STON2: variants seen among roughly 807,000 people sequenced by gnomAD.
STON2 encodes stonin 2.
In STON2, 29 loss-of-function variants were observed where a neutral mutation model predicts 65.7. The observed-to-expected ratio is 0.44, with a 90% CI of 0.33 to 0.60. The LOEUF is 0.60. Among genes scored for constraint, STON2 ranks in the 20% least tolerant of loss-of-function variants. STON2 has a pLI of 0.03. For missense variants in STON2, 1,054 were observed against 1,118.1 expected, an observed-to-expected ratio of 0.94 and a Z score of 0.82; for synonymous variants, 404 against 414.2, an observed-to-expected ratio of 0.98 and a Z score of 0.30.
At chr14:81,431,007 G>A (rs1039141568) in intron 1 of STON2, among the ~76,000 whole-genome samples, 23 of 152,166 alleles carry the variant, frequency 1.5e-4, no homozygotes, top group African/African-American at 5.1e-4. Context: ...ACCTGAGCTG[G>A]AGGGAACTGT....
intron 4 of STON2, among the ~76,000 whole-genome samples, chr14:81,326,448 G>A (rs76804914): frequency 0.02 from 3,036 of 151,338 alleles, 96 homozygotes; most frequent in African/African-American, 0.069. Context: ...AAGATTGTGT[G>A]GATCTTCTCT....
At chr14:81,382,858 G>A (rs1899595828) in intron 3 of STON2, among the ~76,000 whole-genome samples, 2 of 152,220 alleles carry the variant, frequency 1.3e-5, no homozygotes, top group Admixed American at 6.5e-5. Flanking sequence ...ACTAGGAAGA[G>A]TGCATTTGGG....
At chr14:81,387,444 C>T (rs1023770707) in intron 3 of STON2, among the ~76,000 whole-genome samples, 3 of 152,112 alleles carry the variant, frequency 2.0e-5, no homozygotes, top group African/African-American at 7.2e-5. Context: ...GTATGAATCC[C>T]TCATTTGGCC....
At chr14:81,284,035 T>C (rs1895237571) in intron 5 of STON2, among the ~76,000 whole-genome samples, 1 of 152,228 alleles carries the variant, frequency 6.6e-6, no homozygotes, top group Non-Finnish European at 1.5e-5. Flanking sequence ...CCATAAACTG[T>C]GCCCATATAA....
chr14:81,284,543 G>T (rs957863590), intron 5 of STON2, among the ~76,000 whole-genome samples: 2 of 152,194 alleles, frequency 1.3e-5, no homozygotes, highest in Non-Finnish European at 2.9e-5. Context: ...TGGTTCATGA[G>T]GTTTAAGGAA....
intron 4 of STON2, among the ~76,000 whole-genome samples, chr14:81,337,277 C>T (rs1035368241): frequency 2.0e-5 from 3 of 152,260 alleles, no homozygotes; most frequent in Admixed American, 2.0e-4. Flanking sequence ...TGCTTTTACC[C>T]TCCAGGCACA....
At chr14:81,273,913 G>T (rs1459267564) in intron 6 of STON2, among the ~76,000 whole-genome samples, 1 of 152,190 alleles carries the variant, frequency 6.6e-6, no homozygotes, top group Non-Finnish European at 1.5e-5. Context: ...CTTAAAGAAG[G>T]TTAAGGATTA....
In STON2 at chr14:81,370,990, G is replaced by A; in HGVS notation, c.569C>T (p.Thr190Ile). Residue 190 changes from threonine (T) to isoleucine (I), a missense_variant and splice_region_variant, in exon 4 of 8, where the codon ACT becomes ATT. Thr to Ile is a moderately conservative substitution (Grantham distance 89). Transcript: ENST00000614646. ...TCTGGCTTAGAGCTCCATCTTACCAGTTGAGTCAGCCCCAGAAGCCTGGCC... is the reference window on the plus strand; with the variant it reads ...TCTGGCTTAGAGCTCCATCTTACCAATTGAGTCAGCCCCAGAAGCCTGGCC... The part of the protein sequence containing the change: ...TSGQASGADS[T>I]DKRTEWQTGR... The A allele has an allele frequency of 1.2e-6, 2 of 1,612,318 alleles. No homozygotes were observed. Among genetic ancestry groups the A allele is most frequent in the East Asian group, 2.2e-5 (1 of 44,864 alleles).
At chr14:81,268,722 A>G (rs1566878482) in intron 7 of STON2, 2 of 845,986 alleles carry the variant, frequency 2.4e-6, no homozygotes, top group Non-Finnish European at 2.8e-6. Flanking sequence ...GTCCACCAGG[A>G]AAATTCTTAT....
At chr14:81,413,021 C>T in intron 2 of STON2, 1 of 1,055,096 alleles carries the variant, frequency 9.5e-7, no homozygotes, top group South Asian at 1.4e-5. Context: ...GGAAGAGACG[C>T]AGCAGAACTC....
At chr14:81,321,948 G>A (rs1481032677) in intron 5 of STON2, among the ~76,000 whole-genome samples, 2 of 152,170 alleles carry the variant, frequency 1.3e-5, no homozygotes, top group Admixed American at 1.3e-4. Context: ...GGAGGTTAGG[G>A]GGTGGGTGTT....
chr14:81,436,197 A>C (rs1191077979), intron 1 of STON2: 2 of 151,624 alleles, frequency 1.3e-5, no homozygotes, highest in African/African-American at 4.8e-5. Context: ...CAGGGGGCAC[A>C]GCGGCGCTAG....
chr14:81,413,024 C>A, intron 2 of STON2: 1 of 1,049,228 alleles, frequency 9.5e-7, no homozygotes, highest in Non-Finnish European at 1.4e-6. Flanking sequence ...AGAGACGCAG[C>A]AGAACTCGGT....
At position 81,261,255 on chromosome 14, in the gene STON2, G is replaced by C. The variant is rs145902504; in HGVS notation, c.*7159C>G. The C allele has an allele frequency of 6.6e-6, 1 of 152,216 alleles. No homozygotes were observed. Among genetic ancestry groups the C allele is most frequent in the South Asian group, 2.1e-4 (1 of 4,826 alleles). The allele number at this position is 152,216 out of a possible 1,614,324, so 9.4% of individuals were successfully genotyped here. ...TTGCTGATCCAAAGCACATGGAGGC[G>C]CAACAGTGCTTAAGGCTTCAGTCAT... On this transcript the variant is annotated 3_prime_UTR_variant, in exon 8 of 8. Transcript: ENST00000614646.
At chr14:81,432,262 C>A (rs1245349887) in intron 1 of STON2, among the ~76,000 whole-genome samples, 1 of 152,172 alleles carries the variant, frequency 6.6e-6, no homozygotes, top group Non-Finnish European at 1.5e-5. Context: ...TCCTTTACGT[C>A]CATTTCTGGC....
upstream of STON2, among the ~76,000 whole-genome samples, chr14:81,402,746 A>G (rs1232168510): frequency 6.6e-6 from 1 of 152,160 alleles, no homozygotes; most frequent in Admixed American, 6.5e-5. Context: ...TCAGCCCCTC[A>G]TGATCTCTCA....
intron 6 of STON2, among the ~76,000 whole-genome samples, chr14:81,272,891 C>CT (rs1281588312): frequency 6.6e-6 from 1 of 152,128 alleles, no homozygotes; most frequent in Non-Finnish European, 1.5e-5. Context: ...TTAGGTTTCT[C>CT]TGAGAGGGTT....
intron 5 of STON2, among the ~76,000 whole-genome samples, chr14:81,296,942 T>A (rs575730369): frequency 6.6e-6 from 1 of 152,324 alleles, no homozygotes; most frequent in South Asian, 2.1e-4. Flanking sequence ...GCACATACCA[T>A]CTTCAGCCAC....
At chr14:81,334,872 C>T (rs1897317163) in intron 4 of STON2, among the ~76,000 whole-genome samples, 1 of 152,146 alleles carries the variant, frequency 6.6e-6, no homozygotes, top group African/African-American at 2.4e-5. Flanking sequence ...GAGTCTCATT[C>T]TGTCACCCAG....
Sources: gnomAD v4.1 joint callset for allele counts (sites outside exome capture counted in the v4.1 genomes callset) on GRCh38, gnomAD v4.1.1 for gene constraint, MANE v1.5 for transcripts, NCBI Gene and HGNC (gene_info 2026-07-23, HGNC 2026-07-21) for gene names.